The following HSPG2 variants were observed in gnomAD, a reference collection of about 807,000 sequenced individuals.
The protein encoded by HSPG2 is basement membrane-specific heparan sulfate proteoglycan core protein.
A neutral mutation model predicts 526.6 loss-of-function variants in HSPG2; 278 were observed. The observed-to-expected ratio is 0.53, with a 90% confidence interval of 0.48 to 0.58. The LOEUF (loss-of-function observed/expected upper bound fraction) is 0.58. Among genes scored for constraint, HSPG2 ranks in the 20% least tolerant of loss-of-function variants. The pLI is 0.00. For synonymous variants in HSPG2, 2,465 were observed against 2,555.4 expected (o/e 0.96, Z 1.07); for missense variants, 5,354 against 6,099.5 (o/e 0.88, Z 4.07).
intron 1 of HSPG2, among the ~76,000 whole-genome samples, chr1:21,908,889 TG>T (rs1484919457): frequency 6.6e-6 from 1 of 152,220 alleles, no homozygotes; most frequent in Non-Finnish European, 1.5e-5. Context: ...ACTTTGGGAC[TG>T]GTGGTCAGGA....
intron 13 of HSPG2, among the ~76,000 whole-genome samples, chr1:21,884,169 TA>T (rs1228446530): frequency 7.9e-5 from 12 of 151,600 alleles, no homozygotes; most frequent in Non-Finnish European, 1.8e-4. Flanking sequence ...CCCTAGGAGG[TA>T]GTTATTATTC....
chr1:21,850,118 T>C lies in HSPG2; in HGVS notation c.7369A>G (p.Asn2457Asp). Reference protein sequence around the residue: ...QVAEGQTLDLNCLVAGQAHAQ... With the variant: ...QVAEGQTLDLDCLVAGQAHAQ... Reference sequence around the variant, plus strand: ...TGGGCCTGACCAGCAACGAGGCAGTTCAGGTCCAGGGTCTGCCCCTCGGCC... The same window carrying C: ...TGGGCCTGACCAGCAACGAGGCAGTCCAGGTCCAGGGTCTGCCCCTCGGCC... The change falls in exon 57 of 97, where the codon AAC (asparagine) becomes GAC (aspartate). Residue 2457 changes from asparagine to aspartate, a missense_variant. By Grantham distance (23) the Asn-to-Asp change is conservative (BLOSUM62 1). Transcript: ENST00000374695. The C allele has an allele frequency of 6.2e-7, 1 of 1,613,436 alleles. No individual in the cohort carries two copies. The highest frequency in any genetic ancestry group is 8.5e-7 in the Non-Finnish European group (1 of 1,180,030).
chr1:21,897,609 A>G (rs11810496), intron 1 of HSPG2, among the ~76,000 whole-genome samples: 36,304 of 152,120 alleles, frequency 0.24, 5,249 homozygotes, highest in East Asian at 0.39. Context: ...AAGGAGGATC[A>G]AACCACTGAT....
At chr1:21,875,299 C>G in intron 25 of HSPG2, 1 of 595,726 alleles carries the variant, frequency 1.7e-6, no homozygotes, top group Non-Finnish European at 3.0e-6. Flanking sequence ...AACGATCACT[C>G]TCCGGCGAAT....
At chr1:21,888,654 G>A (rs755577507) in intron 6 of HSPG2, 2 of 1,363,884 alleles carry the variant, frequency 1.5e-6, no homozygotes, top group African/African-American at 3.0e-5. Context: ...CCTCGGCCTG[G>A]CTTACACTCT....
Position 21,890,707 on chromosome 1 carries a change from A to G in HSPG2, c.245-13T>C, listed in dbSNP as rs748987505. 2.8e-5 allele frequency: 44 copies of G among 1,597,472 alleles called. No individual in the cohort carries two copies. The highest frequency in any genetic ancestry group is 3.3e-4 in the Middle Eastern group (2 of 6,042). ...GCTCGGAAATAAACTGGAAAATCGA[A>G]GGAGGATCATTTTGAGAGCCCCAGC... On this transcript the variant is annotated splice_polypyrimidine_tract_variant and intron_variant, in intron 3 of 96. Transcript: ENST00000374695. This position sits in a 1 kb window ranked among gnomAD's most constrained non-coding sequence, Gnocchi z 4.1.
rs1643244635 is a variant in HSPG2, at chr1:21,904,115, C to T, written c.64-7805G>A. 6.6e-6 allele frequency among the ~76,000 whole-genome samples: 1 copy of T among 152,178 alleles called. No homozygotes were observed. The highest frequency in any genetic ancestry group is 1.5e-5 in the Non-Finnish European group (1 of 68,036). Reference sequence around the variant, plus strand: ...CAGAACTCCATGTTCCTGGGGGACACAGGCCACGGAACCACGTGCTGGCAA... The same window carrying T: ...CAGAACTCCATGTTCCTGGGGGACATAGGCCACGGAACCACGTGCTGGCAA... On this transcript the variant is annotated intron_variant, in intron 1 of 96. Transcript: ENST00000374695. This position sits in a 1 kb window ranked among gnomAD's most constrained non-coding sequence, Gnocchi z 4.4.
Position 21,859,591 on chromosome 1 carries a change from G to C in HSPG2, c.5268C>G (p.Thr1756=), listed in dbSNP as rs1167654397. 6.2e-7 allele frequency: 1 copy of C among 1,606,400 alleles called. No homozygotes were observed. Among genetic ancestry groups the C allele is most frequent in the East Asian group, 2.2e-5 (1 of 44,652 alleles). Residue 1756 remains threonine (T), a synonymous_variant, in exon 42 of 97, where the codon ACC becomes ACG. Transcript: ENST00000374695. The surrounding 1 kb of genome is among the most constrained non-coding windows in gnomAD (Gnocchi z 5.3). ...CTCRNLHQSN[T]SRAELLVTEA... is the part of the protein sequence containing the mutation. ...CAGTGACCAGCAGCTCTGCCCGGCT[G>C]GTATTGGATTGGTGGAGATTACGGC... is the stretch of plus-strand genomic sequence containing the variant.
chr1:21,828,804 C>T lies in HSPG2; in HGVS notation c.12237+31G>A, dbSNP rs1218215442. Reference sequence around the variant, plus strand: ...GGACACAAGGCTTGGCACCCCTCCCCTCCCGCTTGTCCCGAGGAGGCTGCT... The same window carrying T: ...GGACACAAGGCTTGGCACCCCTCCCTTCCCGCTTGTCCCGAGGAGGCTGCT... On this transcript the variant is annotated intron_variant, in intron 88 of 96. Coordinates refer to ENST00000374695, the MANE Select transcript of HSPG2 (RefSeq NM_005529.7). This position sits in a 1 kb window ranked among gnomAD's most constrained non-coding sequence, Gnocchi z 6.0. The T allele has an allele frequency of 6.5e-7, 1 of 1,550,170 alleles. No individual in the cohort carries two copies. The highest frequency in any genetic ancestry group is 8.7e-7 in the Non-Finnish European group (1 of 1,146,884).
intron 21 of HSPG2, among the ~76,000 whole-genome samples, chr1:21,877,037 C>T (rs532841897): frequency 3.2e-4 from 38 of 116,970 alleles, no homozygotes; most frequent in Non-Finnish European, 4.2e-4. Context: ...CCAGCCTACG[C>T]GATGGGAGCG....
intron 33 of HSPG2, chr1:21,869,323 T>G: frequency 2.7e-6 from 1 of 364,588 alleles, no homozygotes; most frequent in Non-Finnish European, 3.8e-6. Context: ...CAGCCTGAGT[T>G]GGTACATGAT....
intron 1 of HSPG2, among the ~76,000 whole-genome samples, chr1:21,929,867 C>G (rs1342093177): frequency 6.6e-6 from 1 of 152,160 alleles, no homozygotes; most frequent in Non-Finnish European, 1.5e-5. Flanking sequence ...CATCTCCCAC[C>G]TCCGTGGTCC....
intron 3 of HSPG2, among the ~76,000 whole-genome samples, chr1:21,891,650 A>C (rs914885725): frequency 5.9e-5 from 9 of 152,174 alleles, no homozygotes; most frequent in African/African-American, 2.2e-4. Context: ...TTGCTCTGTC[A>C]CCCACGCTGG....
rs533985962 is a variant in HSPG2 at position 21,854,764 on chromosome 1, G to C, written c.6135C>G (p.Ala2045=). 4.3e-6 allele frequency: 7 copies of C among 1,613,630 alleles called. No individual in the cohort carries two copies. The highest frequency in any genetic ancestry group is 4.2e-6 in the Non-Finnish European group (5 of 1,179,812). ...TGACCGGCGGTGGGCTGGCATCTGA[G>C]GCTGGGGCCAGAGTAGGGGTCAGCA... The part of the protein sequence containing the change: ...QARIQVVVLS[A]SDASPPPVKI... The change falls in exon 49 of 97, where the codon GCC becomes GCG. Residue 2045 remains alanine, a splice_region_variant and synonymous_variant. Transcript: ENST00000374695.
At chr1:21,910,832 T>C in intron 1 of HSPG2, among the ~76,000 whole-genome samples, 1 of 152,140 alleles carries the variant, frequency 6.6e-6, no homozygotes. Flanking sequence ...TACCTGATGT[T>C]AATTATCTGA....
Position 21,861,972 on chromosome 1 carries a change from G to A in HSPG2, c.4868+16C>T. 2 of 1,614,226 alleles carry A rather than the reference G, an allele frequency of 1.2e-6. No individual in the cohort carries two copies. The highest frequency in any genetic ancestry group is 1.7e-6 in the Non-Finnish European group (2 of 1,180,044). On this transcript the variant is annotated intron_variant, in intron 38 of 96. Coordinates refer to ENST00000374695, the MANE Select transcript of HSPG2 (RefSeq NM_005529.7). The stretch of plus-strand genomic sequence containing the variant: ...CAGTGGAAGTGTGTCCTTGGGCCTT[G>A]AGCTAGGGTACCCACATGTTCTCTG...
Position 21,841,272 on chromosome 1 carries a change from C to A in HSPG2, c.9342G>T (p.Val3114=). Residue 3114 remains valine, a synonymous_variant, in exon 71 of 97, where the codon GTG becomes GTT. Transcript: ENST00000374695. ...VNLSVHGPPT[V]SVLPEGPVWV... The stretch of plus-strand genomic sequence containing the variant: ...ACACGGGGCCCTCGGGGAGCACGGA[C>A]ACTGTAGGGGGCCCTGTGCGGAGGA... The A allele has an allele frequency of 1.2e-6, 2 of 1,613,794 alleles. No individual in the cohort carries two copies. Among genetic ancestry groups the A allele is most frequent in the Non-Finnish European group, 8.5e-7 (1 of 1,180,016 alleles).
chr1:21,823,281 C>T lies in HSPG2; in HGVS notation c.*35G>A, dbSNP rs1385811921. On this transcript the variant is annotated 3_prime_UTR_variant, in exon 97 of 97. Coordinates refer to ENST00000374695, the MANE Select transcript of HSPG2 (RefSeq NM_005529.7). ...TATACTCGACATTGTCGGGCTGGGG[C>T]GTGGCCCGGGAGTCCGTGTGGGGCA... 4.8e-6 allele frequency: 7 copies of T among 1,466,790 alleles called. No homozygotes were observed. Among genetic ancestry groups the T allele is most frequent in the East Asian group, 5.0e-5 (2 of 40,174 alleles). 90.9% of individuals were successfully genotyped at this position (1,466,790 alleles called of 1,614,324 possible).
chr1:21,931,956 C>G (rs1019584216), intron 1 of HSPG2, among the ~76,000 whole-genome samples: 1 of 152,204 alleles, frequency 6.6e-6, no homozygotes, highest in Non-Finnish European at 1.5e-5. Flanking sequence ...GCAGGGCCAG[C>G]CTGGCCCACT....
Sources: gnomAD v4.1 joint callset for allele counts (sites outside exome capture counted in the v4.1 genomes callset) on GRCh38, gnomAD v4.1.1 for gene constraint, Gnocchi (gnomAD v3.1) non-coding constraint, MANE v1.5 for transcripts, NCBI Gene and HGNC (gene_info 2026-07-23, HGNC 2026-07-21) for gene names.